Variants in LRRTM4 observed in about 807,000 individuals in gnomAD.
LRRTM4 encodes the protein leucine-rich repeat transmembrane neuronal protein 4.
A neutral mutation model predicts 47.6 loss-of-function variants in LRRTM4; 25 were observed. The ratio of observed to expected loss-of-function variants is 0.53; its 90% CI spans 0.38 to 0.73. The LOEUF is 0.73. Among genes scored for constraint, LRRTM4 ranks in the 30% least tolerant of loss-of-function variants. LRRTM4 has a pLI of 0.00. For missense variants in LRRTM4, 638 were observed against 713.4 expected (o/e 0.89, Z 1.20); for synonymous variants, 311 against 269.5 (o/e 1.15, Z -1.51).
At chr2:77,116,897 A>G (rs1358013325) in intron 3 of LRRTM4, among the ~76,000 whole-genome samples, 1 of 152,098 alleles carries the variant, frequency 6.6e-6, no homozygotes, top group African/African-American at 2.4e-5. Context: ...ATCAATATCA[A>G]TCACTTTAAG....
intron 3 of LRRTM4, among the ~76,000 whole-genome samples, chr2:77,021,990 C>G (rs919543783): frequency 2.0e-5 from 3 of 152,130 alleles, no homozygotes; most frequent in African/African-American, 7.2e-5. Context: ...TTTTCCTCCA[C>G]CTCCAAGACC....
intron 3 of LRRTM4, among the ~76,000 whole-genome samples, chr2:77,232,295 A>C (rs1674986399): frequency 2.0e-5 from 3 of 152,216 alleles, no homozygotes; most frequent in Non-Finnish European, 4.4e-5. Context: ...TTTAATTTTA[A>C]AGAACAGAGA....
At chr2:77,153,548 T>C (rs1672483435) in intron 3 of LRRTM4, among the ~76,000 whole-genome samples, 1 of 152,226 alleles carries the variant, frequency 6.6e-6, no homozygotes, top group Admixed American at 6.5e-5. Flanking sequence ...TCTTTTATTA[T>C]GCCTCAACTT....
chr2:77,361,430 T>C (rs961603124), intron 3 of LRRTM4, among the ~76,000 whole-genome samples: 3 of 152,166 alleles, frequency 2.0e-5, no homozygotes, highest in African/African-American at 7.2e-5. Context: ...ATTTTGATCG[T>C]CTTCATTCGC....
chr2:77,083,705 A>G lies in LRRTM4; in HGVS notation c.1552-334789T>C, dbSNP rs1257738741. ...TAATGCTCCTTTCACTCACTCTGGT[A>G]GAGTGTTGATTGTTCTTCAGTAATG... On this transcript the variant is annotated intron_variant, in intron 3 of 3. Coordinates refer to ENST00000409884, the MANE Select transcript of LRRTM4 (RefSeq NM_001134745.3). Among the ~76,000 whole-genome samples the G allele has an allele frequency of 3.4e-5, 5 of 145,564 alleles. No individual in the cohort carries two copies. The South Asian group carries it at 1.2e-3, about 34-fold the overall frequency.
At chr2:76,965,037 A>C (rs1276169436) in intron 3 of LRRTM4, among the ~76,000 whole-genome samples, 1 of 151,094 alleles carries the variant, frequency 6.6e-6, no homozygotes, top group Non-Finnish European at 1.5e-5. Context: ...AAATTGAATA[A>C]ATGATTAATA....
intron 3 of LRRTM4, among the ~76,000 whole-genome samples, chr2:76,974,453 A>G (rs1676349510): frequency 6.6e-6 from 1 of 151,008 alleles, no homozygotes; most frequent in South Asian, 2.1e-4. Context: ...CAACATATGG[A>G]ACATTTTATA....
At chr2:77,068,781 G>A (rs751449345) in intron 3 of LRRTM4, among the ~76,000 whole-genome samples, 3 of 152,192 alleles carry the variant, frequency 2.0e-5, no homozygotes, top group Non-Finnish European at 4.4e-5. Flanking sequence ...CCCAAAACTG[G>A]CCATAAACAA....
At chr2:76,857,373 T>A (rs1302271385) in intron 3 of LRRTM4, among the ~76,000 whole-genome samples, 1 of 150,198 alleles carries the variant, frequency 6.7e-6, no homozygotes, top group East Asian at 1.9e-4. Context: ...TGTTTTGATA[T>A]TCATATTTAC....
intron 3 of LRRTM4, among the ~76,000 whole-genome samples, chr2:77,189,764 T>C (rs150679282): frequency 0.028 from 4,252 of 152,082 alleles, 207 homozygotes; most frequent in African/African-American, 0.095. Flanking sequence ...TATGTATATA[T>C]ACATATACAC....
At chr2:77,453,176 A>ATTTTTTTTTTTTTTTTTTTTTTTTT (rs1162461607) in intron 3 of LRRTM4, among the ~76,000 whole-genome samples, 1 of 99,508 alleles carries the variant, frequency 1.0e-5, no homozygotes, top group African/African-American at 3.8e-5. Context: ...TTTCTTCTTG[A>ATTTTTTTTTTTTTTTTTTTTTTTTT]TTTTTTTTTT....
At chr2:76,885,520 T>C (rs958028443) in intron 3 of LRRTM4, among the ~76,000 whole-genome samples, 1 of 149,366 alleles carries the variant, frequency 6.7e-6, no homozygotes, top group African/African-American at 2.5e-5. Flanking sequence ...TGGAGTGCAG[T>C]GGCGCGATCT....
chr2:77,338,677 G>A (rs1448913797), intron 3 of LRRTM4, among the ~76,000 whole-genome samples: 1 of 152,032 alleles, frequency 6.6e-6, no homozygotes. Flanking sequence ...TAGCCCTAAT[G>A]GAAAGCAGTT....
chr2:77,231,194 A>G (rs546988121), intron 3 of LRRTM4, among the ~76,000 whole-genome samples: 4 of 152,090 alleles, frequency 2.6e-5, no homozygotes, highest in South Asian at 2.1e-4. Flanking sequence ...AAACAGGCCC[A>G]TGAAGTACAC....
At chr2:77,193,435 TCA>T (rs1392617034) in intron 3 of LRRTM4, among the ~76,000 whole-genome samples, 1 of 152,106 alleles carries the variant, frequency 6.6e-6, no homozygotes, top group Non-Finnish European at 1.5e-5. Context: ...ATAAAGTAAT[TCA>T]CAATTCTTGT....
At chr2:77,199,961 C>T (rs1287362575) in intron 3 of LRRTM4, among the ~76,000 whole-genome samples, 5 of 151,956 alleles carry the variant, frequency 3.3e-5, no homozygotes, top group Admixed American at 3.3e-4. Context: ...TTTGTTTCAA[C>T]AAAAGTTGCT....
chr2:76,758,916 A>G (rs1673157478), intron 3 of LRRTM4, among the ~76,000 whole-genome samples: 1 of 152,206 alleles, frequency 6.6e-6, no homozygotes, highest in African/African-American at 2.4e-5. Flanking sequence ...CTTTATCATG[A>G]GAGAATAGGC....
Position 77,122,777 on chromosome 2 carries a change from T to C in LRRTM4, c.1552-373861A>G, listed in dbSNP as rs1409767962. ...AATAAAAAGCTTCTCCCAAAAAATA[T>C]GGGACAATAAACTGAAGGAGAGGCA... On this transcript the variant is annotated intron_variant, in intron 3 of 3. Transcript: ENST00000409884. Among the ~76,000 whole-genome samples, 3 of 151,838 alleles carry C rather than the reference T, an allele frequency of 2.0e-5. No homozygotes were observed. In the East Asian group the frequency reaches 5.8e-4, roughly 29 times the overall value.
At chr2:76,753,950 C>T (rs538466724) in intron 3 of LRRTM4, among the ~76,000 whole-genome samples, 1 of 152,210 alleles carries the variant, frequency 6.6e-6, no homozygotes, top group African/African-American at 2.4e-5. Flanking sequence ...TTACCATGGA[C>T]TATCATTGGT....
Sources: gnomAD v4.1 joint callset for allele counts (sites outside exome capture counted in the v4.1 genomes callset) on GRCh38, gnomAD v4.1.1 for gene constraint, MANE v1.5 for transcripts, NCBI Gene and HGNC (gene_info 2026-07-23, HGNC 2026-07-21) for gene names.